Variants in CHN1 observed in about 807,000 individuals in gnomAD.
CHN1 encodes the protein chimerin 1.
CHN1 carries 37 observed loss-of-function variants against 59.5 expected under a neutral mutation model. The observed-to-expected ratio is 0.62, with a 90% CI of 0.48 to 0.82. The LOEUF is 0.82. CHN1 is among the 40% of genes least tolerant of loss of function. The probability of loss-of-function intolerance (pLI) is 0.00; values close to 1 mark genes in which losing one functional copy is unlikely to be tolerated. For synonymous variants in CHN1, 206 were observed against 200.4 expected, an observed-to-expected ratio of 1.03 and a Z score of -0.24; for missense variants, 469 against 571.0, an observed-to-expected ratio of 0.82 and a Z score of 1.82.
chr2:174,832,044 C>G (rs1685898631), intron 7 of CHN1, among the ~76,000 whole-genome samples: 1 of 152,070 alleles, frequency 6.6e-6, no homozygotes, highest in South Asian at 2.1e-4. Context: ...GTCTTGTGAT[C>G]CACAATTCTT....
intron 1 of CHN1, among the ~76,000 whole-genome samples, chr2:174,984,379 T>A (rs1461742166): frequency 1.3e-5 from 2 of 149,366 alleles, no homozygotes; most frequent in East Asian, 3.9e-4. Flanking sequence ...TTTTTTTTTT[T>A]TTTTTTTTTA....
intron 6 of CHN1, among the ~76,000 whole-genome samples, chr2:174,860,898 C>T (rs2105452514): frequency 6.6e-6 from 1 of 152,226 alleles, no homozygotes; most frequent in South Asian, 2.1e-4. Context: ...TTAAAGCCCT[C>T]TGAAGTCCAA....
chr2:174,866,076 T>G (rs1289571245), intron 6 of CHN1, among the ~76,000 whole-genome samples: 1 of 152,214 alleles, frequency 6.6e-6, no homozygotes, highest in Non-Finnish European at 1.5e-5. Flanking sequence ...AATTGCTGGA[T>G]AAACAGGACA....
intron 1 of CHN1, among the ~76,000 whole-genome samples, chr2:175,002,088 C>T (rs901666139): frequency 1.3e-5 from 2 of 152,172 alleles, no homozygotes; most frequent in African/African-American, 4.8e-5. Flanking sequence ...GACCATGTCT[C>T]TTGTACGCTG....
At chr2:174,801,566 T>C in intron 12 of CHN1, 141 bp downstream of exon 12, 1 of 580,500 alleles carries the variant, frequency 1.7e-6, no homozygotes. Context: ...TCTCAACTAG[T>C]GCAATTTCAC....
At chr2:174,961,326 C>A (rs1055067096) in intron 1 of CHN1, among the ~76,000 whole-genome samples, 2 of 152,098 alleles carry the variant, frequency 1.3e-5, no homozygotes, top group East Asian at 1.9e-4. Flanking sequence ...GTGGCTCACA[C>A]CTGTAATCCC....
chr2:174,918,521 A>G lies in CHN1; in HGVS notation c.146+13T>C, dbSNP rs768230035. On this transcript the variant is annotated intron_variant, in intron 4 of 12. Transcript: ENST00000409900. Reference sequence around the variant, plus strand: ...GCCAATCTATAAAACGTTTTCTAATAATCCATACTTACTCTCTTCCATAAT... The same window carrying G: ...GCCAATCTATAAAACGTTTTCTAATGATCCATACTTACTCTCTTCCATAAT... The G allele has an allele frequency of 1.9e-6, 3 of 1,576,954 alleles. No homozygotes were observed. The Admixed American group carries it at 5.4e-5, about 28-fold the overall frequency.
chr2:174,979,542 C>T (rs1327544971), intron 1 of CHN1, among the ~76,000 whole-genome samples: 3 of 152,054 alleles, frequency 2.0e-5, no homozygotes, highest in African/African-American at 7.2e-5. Context: ...GGGCTGGGCG[C>T]GGTGGCTCAT....
Position 174,801,813 on chromosome 2 carries a change from C to G in CHN1, c.1103-1G>C. On this transcript the variant is annotated splice_acceptor_variant, in intron 11 of 12. Coordinates refer to ENST00000409900, the MANE Select transcript of CHN1 (RefSeq NM_001822.7). LOFTEE classifies it high-confidence loss of function. Reference sequence around the variant, plus strand: ...AATTGCTCATCCGGATCCATAATTTCTAAAATAGCAAGTCGAATACCAAGA... The same window carrying G: ...AATTGCTCATCCGGATCCATAATTTGTAAAATAGCAAGTCGAATACCAAGA... The G allele has an allele frequency of 6.2e-7, 1 of 1,607,840 alleles. No individual in the cohort carries two copies. The highest frequency in any genetic ancestry group is 8.5e-7 in the Non-Finnish European group (1 of 1,174,612).
intron 3 of CHN1, among the ~76,000 whole-genome samples, chr2:174,926,843 C>T (rs1339932376): frequency 1.3e-5 from 2 of 151,710 alleles, no homozygotes; most frequent in Non-Finnish European, 2.9e-5. Context: ...CTGCAAGCTC[C>T]GCCTCCCAGG....
rs144453140 is a variant in CHN1, at chr2:174,899,653, C to A, written c.260+15405G>T. 2.3e-3 allele frequency among the ~76,000 whole-genome samples: 348 copies of A among 152,276 alleles called. 1 individual carries two copies. The highest frequency in any genetic ancestry group is 4.2e-3 in the Non-Finnish European group (288 of 68,016). ...CCTTTACAGAAAAAGTTTGCCAACA[C>A]CTGATCTATGTGCTTAGCCATGTCT... On this transcript the variant is annotated intron_variant, in intron 5 of 12. Transcript: ENST00000409900.
chr2:174,849,908 T>G (rs562085417), intron 6 of CHN1, among the ~76,000 whole-genome samples: 1 of 152,072 alleles, frequency 6.6e-6, no homozygotes, highest in Non-Finnish European at 1.5e-5. Flanking sequence ...AACCATGGAG[T>G]CTTCTCTCTG....
intron 1 of CHN1, among the ~76,000 whole-genome samples, chr2:174,987,427 A>G (rs888965448): frequency 4.1e-5 from 6 of 145,330 alleles, no homozygotes; most frequent in African/African-American, 1.5e-4. Flanking sequence ...TTTTTATTTG[A>G]GACAGAGTAT....
At chr2:174,810,536 T>A (rs1383933144) in intron 10 of CHN1, among the ~76,000 whole-genome samples, 1 of 152,216 alleles carries the variant, frequency 6.6e-6, no homozygotes, top group East Asian at 1.9e-4. Context: ...GGAATGGACA[T>A]GCTCAGTTGC....
At position 174,918,429 on chromosome 2, in the gene CHN1, A is replaced by T. The variant is rs73973649; in HGVS notation, c.146+105T>A. 3.0e-4 allele frequency: 240 copies of T among 807,974 alleles called. 1 individual carries two copies. The African/African-American group carries it at 4.0e-3, about 13-fold the overall frequency. The allele number at this position is 807,974 out of a possible 1,614,324, so 50.1% of individuals were successfully genotyped here. ...ATTTTTAAGAAATAAATGCAACTCC[A>T]CCAAACTTGAATACTTCATCTTGCT... On this transcript the variant is annotated intron_variant, in intron 4 of 12. Coordinates refer to ENST00000409900, the MANE Select transcript of CHN1 (RefSeq NM_001822.7).
At chr2:174,896,427 T>A (rs187247575) in intron 5 of CHN1, among the ~76,000 whole-genome samples, 1 of 152,300 alleles carries the variant, frequency 6.6e-6, no homozygotes, top group Non-Finnish European at 1.5e-5. Flanking sequence ...TCTTAAAATC[T>A]AAACACAATT....
intron 4 of CHN1, among the ~76,000 whole-genome samples, chr2:174,916,482 A>C (rs1389117935): frequency 6.6e-6 from 1 of 152,202 alleles, no homozygotes; most frequent in African/African-American, 2.4e-5. Context: ...GCTCAAAAGA[A>C]ATTTTGCAGC....
intron 5 of CHN1, among the ~76,000 whole-genome samples, chr2:174,886,540 G>A (rs1366925548): frequency 6.6e-6 from 1 of 152,096 alleles, no homozygotes; most frequent in Admixed American, 6.6e-5. Flanking sequence ...GATTTATTAA[G>A]TTTTATATAA....
Position 174,907,828 on chromosome 2 carries a change from A to G in CHN1, c.260+7230T>C, listed in dbSNP as rs117306803. On this transcript the variant is annotated intron_variant, in intron 5 of 12. Transcript: ENST00000409900. ...TAAGTAGTATGATACTATACATACT[A>G]TTCTGTATAATAAATTTTATTTTTC... Among the ~76,000 whole-genome samples the G allele has an allele frequency of 1.8e-3, 270 of 152,254 alleles. 7 individuals carry two copies. In the East Asian group the frequency reaches 0.04, roughly 22 times the overall value.
Sources: gnomAD v4.1 joint callset for allele counts (sites outside exome capture counted in the v4.1 genomes callset) on GRCh38, gnomAD v4.1.1 for gene constraint, MANE v1.5 for transcripts, NCBI Gene and HGNC (gene_info 2026-07-23, HGNC 2026-07-21) for gene names.